ABCB7: variants seen among roughly 807,000 people sequenced by gnomAD.
ABCB7 encodes the protein iron-sulfur clusters transporter ABCB7, mitochondrial.
ABCB7 carries 7 observed loss-of-function variants against 54.4 expected under a neutral mutation model. That is an observed-to-expected ratio of 0.13 (90% CI 0.07 to 0.24). ABCB7 has a LOEUF of 0.24. Ranked by LOEUF, ABCB7 falls within the 10% of genes least tolerant of loss-of-function variation. The probability of loss-of-function intolerance (pLI) is 1.00; values close to 1 mark genes in which losing one functional copy is unlikely to be tolerated. For synonymous variants in ABCB7, 218 were observed against 207.1 expected (o/e 1.05, Z -0.45); for missense variants, 356 against 570.4 (o/e 0.62, Z 3.83).
rs369552212 is a variant in ABCB7, at chrX:75,144,449, C to T, written c.168+11656G>A. Among the ~76,000 whole-genome samples the T allele has an allele frequency of 7.2e-5, 8 of 111,326 alleles. No individual in the cohort carries two copies. In the South Asian group the frequency reaches 2.6e-3, roughly 37 times the overall value. ...GTATCTACTATATTAGAGAGTAAAG[C>T]TCTAATCAATAGGGAGCCTTTTTTC... On this transcript the variant is annotated intron_variant, in intron 1 of 15. Transcript: ENST00000373394.
chrX:75,081,179 C>T (rs752330488), intron 4 of ABCB7, among the ~76,000 whole-genome samples: 1 of 111,718 alleles, frequency 9.0e-6, no homozygotes, highest in Non-Finnish European at 1.9e-5. Flanking sequence ...TATCAAGAAC[C>T]AATAAGATAA....
intron 4 of ABCB7, among the ~76,000 whole-genome samples, chrX:75,080,898 T>C: frequency 9.0e-6 from 1 of 111,574 alleles, no homozygotes. Context: ...GTTGGATATG[T>C]GGTTTGCAAA....
At chrX:75,080,397 C>T (rs776317587) in intron 4 of ABCB7, among the ~76,000 whole-genome samples, 5 of 111,392 alleles carry the variant, frequency 4.5e-5, no homozygotes, top group Admixed American at 1.9e-4. Flanking sequence ...CTCCACCTCC[C>T]GGGTTCAAGC....
intron 15 of ABCB7, among the ~76,000 whole-genome samples, chrX:75,054,577 G>GC (rs1555941352): frequency 2.0e-5 from 2 of 99,328 alleles, no homozygotes; most frequent in African/African-American, 7.3e-5. Context: ...TAACTTCCTT[G>GC]TTTTTTTTTT....
chrX:75,111,590 A>G, intron 3 of ABCB7, among the ~76,000 whole-genome samples: 1 of 111,295 alleles, frequency 9.0e-6, no homozygotes, highest in Non-Finnish European at 1.9e-5. Context: ...GCTCTTAACT[A>G]CAACTCCACA....
At position 75,156,019 on chromosome X, in the gene ABCB7, T is replaced by C. The variant is rs1348002301; in HGVS notation, c.168+86A>G. 3.7e-6 allele frequency: 4 copies of C among 1,067,654 alleles called. No homozygotes were observed. The African/African-American group carries it at 7.5e-5, about 20-fold the overall frequency. The allele number at this position is 1,067,654 out of a possible 1,213,427, so 88.0% of individuals were successfully genotyped here. A position where few individuals can be genotyped will look rare whatever the true frequency, so the allele number is the denominator to read the frequency against. Reference sequence around the variant, plus strand: ...AGCCATGACTTTCTTCTTGGTGCTCTCTCTGCCCCGAGGTCAGGAGGGCAA... The same window carrying C: ...AGCCATGACTTTCTTCTTGGTGCTCCCTCTGCCCCGAGGTCAGGAGGGCAA... On this transcript the variant is annotated intron_variant, in intron 1 of 15. Coordinates refer to ENST00000373394, the MANE Select transcript of ABCB7 (RefSeq NM_001271696.3).
At chrX:75,076,695 T>C (rs755067138) in intron 4 of ABCB7, 41 bp from the exon 5 acceptor site, 1 of 1,150,957 alleles carries the variant, frequency 8.7e-7, no homozygotes, top group Admixed American at 2.2e-5. Flanking sequence ...ATACACAAAA[T>C]ACTTATTTAT....
At chrX:75,059,779 C>T (rs1192499114) in intron 15 of ABCB7, among the ~76,000 whole-genome samples, 3 of 111,346 alleles carry the variant, frequency 2.7e-5, no homozygotes, top group African/African-American at 9.8e-5. Context: ...AAAGGAAAAA[C>T]ATAAAATAAA....
chrX:75,112,098 A>G (rs1174583985), intron 3 of ABCB7, among the ~76,000 whole-genome samples: 1 of 112,158 alleles, frequency 8.9e-6, no homozygotes, highest in African/African-American at 3.2e-5. Context: ...GAATGGAAAA[A>G]AGCACTGAAA....
intron 1 of ABCB7, among the ~76,000 whole-genome samples, chrX:75,133,611 C>G (rs2081989648): frequency 8.9e-6 from 1 of 111,861 alleles, no homozygotes; most frequent in Non-Finnish European, 1.9e-5. Flanking sequence ...AAAGGGAACT[C>G]CATTAGGCTA....
intron 4 of ABCB7, among the ~76,000 whole-genome samples, chrX:75,078,472 T>G (rs2081429572): frequency 8.9e-6 from 1 of 111,732 alleles, no homozygotes; most frequent in Non-Finnish European, 1.9e-5. Context: ...ATATATCGCA[T>G]ACTGGTGAGG....
intron 4 of ABCB7, among the ~76,000 whole-genome samples, chrX:75,081,348 GAAAT>G (rs1441247888): frequency 1.8e-5 from 2 of 110,841 alleles, no homozygotes; most frequent in East Asian, 2.8e-4. Context: ...GAAGACTCAG[GAAAT>G]AAATAAAGGA....
At chrX:75,079,730 G>T (rs1395681805) in intron 4 of ABCB7, among the ~76,000 whole-genome samples, 1 of 111,459 alleles carries the variant, frequency 9.0e-6, no homozygotes, top group African/African-American at 3.3e-5. Context: ...TGTGTAGTAC[G>T]TATGTGTCTG....
chrX:75,063,896 T>A (rs1288958768), intron 13 of ABCB7, among the ~76,000 whole-genome samples: 1 of 111,620 alleles, frequency 9.0e-6, no homozygotes, highest in Non-Finnish European at 1.9e-5. Context: ...AAAATAAGAT[T>A]AGAAAATGGA....
chrX:75,142,536 T>C (rs965356109), intron 1 of ABCB7, among the ~76,000 whole-genome samples: 10 of 111,993 alleles, frequency 8.9e-5, no homozygotes, highest in Middle Eastern at 4.2e-3. Context: ...ACTGAAAGTT[T>C]AGAAAGAAAT....
chrX:75,119,131 G>C (rs1453579192), intron 1 of ABCB7, among the ~76,000 whole-genome samples: 2 of 112,366 alleles, frequency 1.8e-5, no homozygotes, highest in Non-Finnish European at 3.8e-5. Context: ...AGTAAAAAGT[G>C]TAATGACTTA....
Position 75,055,122 on chromosome X carries a change from ATTCCT to A in ABCB7, c.2044-1542_2044-1538del, listed in dbSNP as rs1037621637. 7.2e-5 allele frequency among the ~76,000 whole-genome samples: 8 copies of A among 111,499 alleles called. No homozygotes were observed. In the Admixed American group the frequency reaches 7.6e-4, roughly 11 times the overall value. On this transcript the variant is annotated intron_variant, in intron 15 of 15. Transcript: ENST00000373394. ...ATTTCAAAAATCTTGTTCTCAGGTCATTCCTTTATTTATTTATTCACCAAATCCAT... is the reference window on the plus strand; with the variant it reads ...ATTTCAAAAATCTTGTTCTCAGGTCATTATTTATTTATTCACCAAATCCAT...
At chrX:75,110,330 G>A (rs1470075432) in intron 3 of ABCB7, among the ~76,000 whole-genome samples, 3 of 111,906 alleles carry the variant, frequency 2.7e-5, no homozygotes, top group East Asian at 5.6e-4. Flanking sequence ...AATCAGAGCT[G>A]GAATACAGCC....
At chrX:75,060,873 C>A (rs1339594754) in intron 14 of ABCB7, among the ~76,000 whole-genome samples, 1 of 111,573 alleles carries the variant, frequency 9.0e-6, no homozygotes, top group African/African-American at 3.3e-5. Flanking sequence ...AGCATTCTGA[C>A]TTCCTAACGC....
Sources: allele counts gnomAD v4.1 joint callset (sites outside exome capture counted in the v4.1 genomes callset), GRCh38; gene constraint gnomAD v4.1.1; transcripts MANE v1.5; gene names NCBI Gene and HGNC (gene_info 2026-07-23, HGNC 2026-07-21).